Variants in CHURC1 observed in about 807,000 individuals in gnomAD.
CHURC1 encodes the protein churchill domain containing 1.
Under a neutral mutation model 15.4 loss-of-function variants are expected in CHURC1, and 12 were observed. That is an observed-to-expected ratio of 0.78 (90% CI 0.50 to 1.27). CHURC1 has a LOEUF of 1.27. CHURC1 is among the 50% of genes most tolerant of loss of function. The pLI is 0.00. For missense variants in CHURC1, 132 were observed against 137.8 expected, an observed-to-expected ratio of 0.96 and a Z score of 0.21; for synonymous variants, 42 against 47.5, an observed-to-expected ratio of 0.88 and a Z score of 0.48.
At chr14:64,918,733 T>A (rs900316210) in intron 1 of CHURC1, among the ~76,000 whole-genome samples, 2 of 152,084 alleles carry the variant, frequency 1.3e-5, no homozygotes, top group Non-Finnish European at 2.9e-5. Flanking sequence ...GGGAAGAGGC[T>A]AAGGCAGGAG....
intron 1 of CHURC1, among the ~76,000 whole-genome samples, chr14:64,917,168 A>G (rs1883948549): frequency 6.6e-6 from 1 of 152,190 alleles, no homozygotes; most frequent in African/African-American, 2.4e-5. Context: ...CACGGTTCTC[A>G]CACCTGTAAT....
intron 3 of CHURC1, 49 bp downstream of exon 3, chr14:64,926,129 T>A: frequency 7.7e-7 from 1 of 1,306,654 alleles, no homozygotes; most frequent in African/African-American, 1.5e-5. Context: ...GTTAGGGGAA[T>A]AATAAAAGTG....
chr14:64,914,455 C>A lies in CHURC1; in HGVS notation c.-41C>A. On this transcript the variant is annotated 5_prime_UTR_variant, in exon 1 of 4. Coordinates refer to ENST00000549115, the MANE Select transcript of CHURC1 (RefSeq NM_001386928.1). Reference sequence around the variant, plus strand: ...CTCAGTTCTCGCGAGGTTTCGTCTTCCCGGAAGCGTTGGAGGACATTCCCT... The same window carrying A: ...CTCAGTTCTCGCGAGGTTTCGTCTTACCGGAAGCGTTGGAGGACATTCCCT... The A allele has an allele frequency of 1.2e-6, 2 of 1,614,260 alleles. 1 individual carries two copies. The highest frequency in any genetic ancestry group is 2.2e-5 in the South Asian group (2 of 91,090).
In CHURC1 at chr14:64,924,003, C is replaced by A; in HGVS notation, c.52C>A (p.Leu18Met). 1 of 1,561,674 alleles carries A rather than the reference C, an allele frequency of 6.4e-7. No homozygotes were observed. The highest frequency in any genetic ancestry group is 8.7e-7 in the Non-Finnish European group (1 of 1,151,378). Reference protein sequence around the residue: ...KEYPNRGNTCLENGSFLLNFT... With the variant: ...KEYPNRGNTCMENGSFLLNFT... ...TCTGATATTTTAGGGTAATACCTGC[C>A]TGGAGAATGGATCTTTCTTACTGAA... Residue 18 changes from leucine to methionine, a missense_variant, in exon 2 of 4, where the codon CTG (leucine) becomes ATG (methionine). Coordinates refer to ENST00000549115, the MANE Select transcript of CHURC1 (RefSeq NM_001386928.1).
intron 2 of CHURC1, 33 bp from the exon 3 acceptor site, chr14:64,925,977 C>G: frequency 6.6e-7 from 1 of 1,516,440 alleles, no homozygotes; most frequent in African/African-American, 1.4e-5. Flanking sequence ...CTCTCTAAGA[C>G]TTAATTACGT....
At chr14:64,917,181 C>T (rs527601342) in intron 1 of CHURC1, among the ~76,000 whole-genome samples, 1 of 152,246 alleles carries the variant, frequency 6.6e-6, no homozygotes, top group East Asian at 1.9e-4. Context: ...CCTGTAATCC[C>T]AGCACTTTGG....
At chr14:64,926,885 G>A (rs1292911025) in intron 3 of CHURC1, among the ~76,000 whole-genome samples, 2 of 152,316 alleles carry the variant, frequency 1.3e-5, no homozygotes, top group East Asian at 1.9e-4. Context: ...AGATACACAG[G>A]TCTGACGGTC....
At chr14:64,915,209 G>C (rs1451750146) in intron 1 of CHURC1, among the ~76,000 whole-genome samples, 1 of 152,230 alleles carries the variant, frequency 6.6e-6, no homozygotes, top group Non-Finnish European at 1.5e-5. Flanking sequence ...TGTTGCCCAG[G>C]CTGGTCTCAA....
intron 1 of CHURC1, among the ~76,000 whole-genome samples, chr14:64,921,837 T>C (rs1281913581): frequency 6.6e-6 from 1 of 152,194 alleles, no homozygotes; most frequent in East Asian, 1.9e-4. Flanking sequence ...GACTTGCACA[T>C]GAATCTCTAT....
chr14:64,932,523 G>T lies in CHURC1; in HGVS notation c.*293G>T. ...GAGCACACCTGGTGCCCAGATTTTG[G>T]TTTCCAATAAAAGGAACCAGGACTC... is the stretch of plus-strand genomic sequence containing the variant. On this transcript the variant is annotated 3_prime_UTR_variant, in exon 4 of 4. Coordinates refer to ENST00000549115, the MANE Select transcript of CHURC1 (RefSeq NM_001386928.1). 9.3e-7 allele frequency: 1 copy of T among 1,071,594 alleles called. No homozygotes were observed. Among genetic ancestry groups the T allele is most frequent in the Non-Finnish European group, 1.1e-6 (1 of 882,084 alleles). 66.4% of individuals were successfully genotyped at this position (1,071,594 alleles called of 1,614,324 possible). A position where few individuals can be genotyped will look rare whatever the true frequency, so the allele number is the denominator to read the frequency against.
At chr14:64,931,310 G>C (rs2139919470) in intron 3 of CHURC1, among the ~76,000 whole-genome samples, 1 of 152,258 alleles carries the variant, frequency 6.6e-6, no homozygotes, top group Non-Finnish European at 1.5e-5. Flanking sequence ...AAGGTGGGAG[G>C]ATCACTTGAG....
In CHURC1 at chr14:64,934,249, T is replaced by G. The variant is rs575554565; in HGVS notation, c.*2019T>G. On this transcript the variant is annotated 3_prime_UTR_variant, in exon 4 of 4. Coordinates refer to ENST00000549115, the MANE Select transcript of CHURC1 (RefSeq NM_001386928.1). ...CTGCAGTCCCAGCAACATGGGAGGC[T>G]GAACAGGAGAATCGCTTGAACCCGC... 10 of 313,658 alleles carry G rather than the reference T, an allele frequency of 3.2e-5. No individual in the cohort carries two copies. Among genetic ancestry groups the G allele is most frequent in the Non-Finnish European group, 4.2e-5 (9 of 216,240 alleles). The allele number at this position is 313,658 out of a possible 1,614,324, so 19.4% of individuals were successfully genotyped here.
In CHURC1 at chr14:64,932,130, T is replaced by C. The variant is rs1477392331; in HGVS notation, c.247-8T>C. The C allele has an allele frequency of 1.2e-6, 2 of 1,610,646 alleles. No individual in the cohort carries two copies. The highest frequency in any genetic ancestry group is 3.4e-5 in the Admixed American group (2 of 59,428). On this transcript the variant is annotated splice_polypyrimidine_tract_variant and splice_region_variant and intron_variant, in intron 3 of 3. Transcript: ENST00000549115. Reference sequence around the variant, plus strand: ...CTCTAGGTAATTATGCACTTTATCTTGTTCTAGGAGTATACCATGCTGTGT... The same window carrying C: ...CTCTAGGTAATTATGCACTTTATCTCGTTCTAGGAGTATACCATGCTGTGT...
intron 1 of CHURC1, 132 bp from the exon 2 acceptor site, chr14:64,923,859 G>C (rs545691848): frequency 1.5e-4 from 95 of 632,068 alleles, no homozygotes; most frequent in Non-Finnish European, 2.0e-4. Flanking sequence ...AAATTATTTG[G>C]TATATGACCT....
rs944108169 is a variant in CHURC1 at position 64,915,800 on chromosome 14, C to T, written c.39+1266C>T. Among the ~76,000 whole-genome samples, 4 of 152,110 alleles carry T rather than the reference C, an allele frequency of 2.6e-5. No homozygotes were observed. The South Asian group carries it at 6.2e-4, about 24-fold the overall frequency. Reference sequence around the variant, plus strand: ...GACTTTTATAAATAAGTGTTCATAACAGCATTATTTTTGTAGTAGATTGGA... The same window carrying T: ...GACTTTTATAAATAAGTGTTCATAATAGCATTATTTTTGTAGTAGATTGGA... On this transcript the variant is annotated intron_variant, in intron 1 of 3. Transcript: ENST00000549115.
intron 1 of CHURC1, among the ~76,000 whole-genome samples, chr14:64,922,146 G>A (rs573246685): frequency 9.2e-5 from 14 of 152,152 alleles, no homozygotes; most frequent in African/African-American, 3.4e-4. Context: ...TTTTTGGGGT[G>A]GATAGAAATG....
intron 3 of CHURC1, among the ~76,000 whole-genome samples, chr14:64,931,831 AAT>A (rs1885094722): frequency 6.6e-6 from 1 of 152,250 alleles, no homozygotes; most frequent in Admixed American, 6.5e-5. Context: ...TAAGAATAGG[AAT>A]TTGTCCATAG....
intron 1 of CHURC1, among the ~76,000 whole-genome samples, chr14:64,917,512 G>A (rs1445331596): frequency 1.3e-5 from 2 of 151,638 alleles, no homozygotes; most frequent in South Asian, 2.1e-4. Flanking sequence ...GCAGTGAGCC[G>A]AGATCACACC....
chr14:64,922,577 C>CA (rs572205182), intron 1 of CHURC1, among the ~76,000 whole-genome samples: 948 of 82,054 alleles, frequency 0.012, 8 homozygotes, highest in Non-Finnish European at 0.017. Context: ...GACTCCGTCT[C>CA]AAAAAAAAAA....
Sources: allele counts gnomAD v4.1 joint callset (sites outside exome capture counted in the v4.1 genomes callset), GRCh38; gene constraint gnomAD v4.1.1; transcripts MANE v1.5; gene names NCBI Gene and HGNC (gene_info 2026-07-23, HGNC 2026-07-21).